HMCN1: variants seen among roughly 807,000 people sequenced by gnomAD.
HMCN1 encodes hemicentin 1.
Under a neutral mutation model 625.9 loss-of-function variants are expected in HMCN1, and 321 were observed. The observed-to-expected ratio is 0.51, with a 90% confidence interval of 0.47 to 0.56. The LOEUF is 0.56. Among genes scored for constraint, HMCN1 ranks in the 20% least tolerant of loss-of-function variants. The probability of loss-of-function intolerance (pLI) is 0.00; values close to 1 mark genes in which losing one functional copy is unlikely to be tolerated. For missense variants in HMCN1, 6,588 were observed against 6,887.3 expected (o/e 0.96, Z 1.54); for synonymous variants, 2,425 against 2,417.6 (o/e 1.00, Z -0.09).
chr1:185,922,736 T>C (rs1290730921), intron 7 of HMCN1, among the ~76,000 whole-genome samples: 2 of 152,188 alleles, frequency 1.3e-5, no homozygotes, highest in Admixed American at 1.3e-4. Flanking sequence ...ACTCCAGATC[T>C]CCTGAATTAG....
Position 185,914,765 on chromosome 1 carries a change from A to G in HMCN1, c.900+2985A>G, listed in dbSNP as rs574123947. ...TCTTTTCTCTCTGGCTTTCTATTAA[A>G]TTTTTCTGCACTTCCCTTTTGGATT... On this transcript the variant is annotated intron_variant, in intron 6 of 106. Coordinates refer to ENST00000271588, the MANE Select transcript of HMCN1 (RefSeq NM_031935.3). 4.0e-5 allele frequency among the ~76,000 whole-genome samples: 6 copies of G among 150,676 alleles called. No individual in the cohort carries two copies. In the South Asian group the frequency reaches 1.3e-3, roughly 32 times the overall value.
chr1:186,117,979 A>G (rs545578268), intron 77 of HMCN1, among the ~76,000 whole-genome samples: 3 of 152,228 alleles, frequency 2.0e-5, no homozygotes, highest in Admixed American at 6.5e-5. Flanking sequence ...ATGTCTCTTC[A>G]TTTATCGAAC....
At chr1:186,103,729 A>G in intron 69 of HMCN1, 61 bp downstream of exon 69, 2 of 1,382,658 alleles carry the variant, frequency 1.4e-6, no homozygotes, top group East Asian at 2.3e-5. Context: ...TTGCTAATAT[A>G]TGAGATTTGT....
chr1:186,036,141 A>G lies in HMCN1; in HGVS notation c.5750-1793A>G, dbSNP rs189989865. ...TCAGAAATCGATGTCAAATTATTGT[A>G]TATCTTTGTCCTTCTCCTTATTGTA... On this transcript the variant is annotated intron_variant, in intron 36 of 106. Transcript: ENST00000271588. 1.0e-3 allele frequency among the ~76,000 whole-genome samples: 159 copies of G among 152,232 alleles called. 1 individual carries two copies. The highest frequency in any genetic ancestry group is 3.7e-3 in the African/African-American group (152 of 41,550).
At chr1:185,862,010 T>C (rs761567954) in intron 2 of HMCN1, among the ~76,000 whole-genome samples, 7 of 152,122 alleles carry the variant, frequency 4.6e-5, no homozygotes, top group Non-Finnish European at 8.8e-5. Flanking sequence ...ATGGTAGAGA[T>C]AGAACAGTAG....
intron 22 of HMCN1, among the ~76,000 whole-genome samples, chr1:185,991,986 G>T (rs909832592): frequency 7.2e-5 from 11 of 152,096 alleles, no homozygotes; most frequent in African/African-American, 2.4e-4. Flanking sequence ...GGTGTAAAAT[G>T]GTATCTTGTA....
At chr1:186,111,474 C>A (rs554405345) in intron 71 of HMCN1, among the ~76,000 whole-genome samples, 1 of 151,944 alleles carries the variant, frequency 6.6e-6, no homozygotes, top group Non-Finnish European at 1.5e-5. Flanking sequence ...CAGAGCAAGA[C>A]CCCACCTGAA....
chr1:186,114,699 C>A, intron 73 of HMCN1, 120 bp from the exon 74 acceptor site: 1 of 1,178,790 alleles, frequency 8.5e-7, no homozygotes, highest in Admixed American at 1.7e-5. Flanking sequence ...AAACATGTGT[C>A]ATCTGAAACA....
intron 104 of HMCN1, among the ~76,000 whole-genome samples, chr1:186,179,694 C>T (rs576557935): frequency 1.6e-4 from 24 of 152,312 alleles, no homozygotes; most frequent in Admixed American, 1.4e-3. Context: ...GCGTTCTACA[C>T]TTTGCTTACT....
At chr1:185,934,607 C>G (rs1161890056) in intron 11 of HMCN1, among the ~76,000 whole-genome samples, 1 of 152,138 alleles carries the variant, frequency 6.6e-6, no homozygotes, top group African/African-American at 2.4e-5. Context: ...ATGTAATGAA[C>G]AAATTACTGT....
chr1:185,830,334 CCTGA>C (rs1660781532), intron 1 of HMCN1, among the ~76,000 whole-genome samples: 1 of 152,026 alleles, frequency 6.6e-6, no homozygotes, highest in Non-Finnish European at 1.5e-5. Flanking sequence ...TGCCGTATGT[CCTGA>C]ATGGTTTTGC....
At chr1:186,172,672 A>G (rs1397371221) in intron 102 of HMCN1, among the ~76,000 whole-genome samples, 1 of 152,198 alleles carries the variant, frequency 6.6e-6, no homozygotes, top group Non-Finnish European at 1.5e-5. Flanking sequence ...TCTAGGCTGT[A>G]CCAGCCTGGT....
intron 48 of HMCN1, among the ~76,000 whole-genome samples, chr1:186,063,100 A>ATATATATATC (rs1339291276): frequency 7.8e-6 from 1 of 127,802 alleles, no homozygotes. Flanking sequence ...ATATATATAT[A>ATATATATATC]TATCACATTT....
chr1:185,817,586 T>A (rs1234697972), intron 1 of HMCN1, among the ~76,000 whole-genome samples: 1 of 152,232 alleles, frequency 6.6e-6, no homozygotes, highest in Non-Finnish European at 1.5e-5. Flanking sequence ...TCACAAATAA[T>A]GGTTAATTCT....
intron 75 of HMCN1, 98 bp from the exon 76 acceptor site, chr1:186,116,896 G>T (rs1401355281): frequency 1.5e-6 from 2 of 1,364,082 alleles, no homozygotes; most frequent in African/African-American, 2.9e-5. Flanking sequence ...GAAGAGTACT[G>T]TTTTCATCAA....
chr1:186,080,399 A>G (rs1193669269), intron 55 of HMCN1, among the ~76,000 whole-genome samples: 1 of 152,222 alleles, frequency 6.6e-6, no homozygotes. Context: ...CAATTTCTAC[A>G]TTTACCAAAG....
chr1:185,750,765 T>C (rs1654752833), intron 1 of HMCN1, among the ~76,000 whole-genome samples: 1 of 152,110 alleles, frequency 6.6e-6, no homozygotes. Flanking sequence ...TTTTATGTTT[T>C]CTATTTACTG....
Position 186,074,900 on chromosome 1 carries a change from A to G in HMCN1, c.8290+9A>G, listed in dbSNP as rs752215784. 1.3e-6 allele frequency: 2 copies of G among 1,595,182 alleles called. No individual in the cohort carries two copies. Among genetic ancestry groups the G allele is most frequent in the Admixed American group, 3.3e-5 (2 of 59,874 alleles). On this transcript the variant is annotated intron_variant, in intron 53 of 106. Transcript: ENST00000271588. The stretch of plus-strand genomic sequence containing the variant: ...TGATGTGAATATTCAAGGTAATACT[A>G]ATTGCTTATTGTATATAATGTAATT...
At chr1:186,159,064 C>T (rs1397511155) in intron 97 of HMCN1, among the ~76,000 whole-genome samples, 1 of 152,080 alleles carries the variant, frequency 6.6e-6, no homozygotes, top group Admixed American at 6.6e-5. Flanking sequence ...TACCCATGAG[C>T]ATGGAATGTT....
Sources: allele counts gnomAD v4.1 joint callset (sites outside exome capture counted in the v4.1 genomes callset), GRCh38; gene constraint gnomAD v4.1.1; transcripts MANE v1.5; gene names NCBI Gene and HGNC (gene_info 2026-07-23, HGNC 2026-07-21).